Variants in RNF8 observed in about 807,000 individuals in gnomAD.
The protein encoded by RNF8 is ring finger protein 8.
In RNF8, 8 loss-of-function variants were observed where a neutral mutation model predicts 59.3. That is an observed-to-expected ratio of 0.13 (90% confidence interval 0.08 to 0.24). The LOEUF is 0.24. Among genes scored for constraint, RNF8 ranks in the 10% least tolerant of loss-of-function variants. The pLI is 1.00. For missense variants in RNF8, 406 were observed against 572.6 expected, an observed-to-expected ratio of 0.71 and a Z score of 2.97; for synonymous variants, 162 against 200.0, an observed-to-expected ratio of 0.81 and a Z score of 1.60.
intron 2 of RNF8, among the ~76,000 whole-genome samples, chr6:37,364,820 G>T (rs1256609227): frequency 1.3e-5 from 2 of 152,096 alleles, no homozygotes; most frequent in Non-Finnish European, 2.9e-5. Context: ...GCCCAGGCTG[G>T]AGTGCAATGG....
rs1308162510 is a variant in RNF8 at position 37,394,547 on chromosome 6, C to T, written c.*3789C>T. 1 of 152,172 alleles carries T rather than the reference C, an allele frequency of 6.6e-6. No individual in the cohort carries two copies. Among genetic ancestry groups the T allele is most frequent in the Non-Finnish European group, 1.5e-5 (1 of 68,044 alleles). 9.4% of individuals were successfully genotyped at this position (152,172 alleles called of 1,614,324 possible). On this transcript the variant is annotated 3_prime_UTR_variant, in exon 8 of 8. Transcript: ENST00000373479. ...GTACCAGTGATGGGCTACCTGAGCT[C>T]ATCTAGTCGCCAAGCAGTATCTCCT...
At chr6:37,388,846 T>TC (rs891051480) in intron 7 of RNF8, among the ~76,000 whole-genome samples, 2 of 150,920 alleles carry the variant, frequency 1.3e-5, no homozygotes, top group African/African-American at 4.9e-5. Flanking sequence ...GGCTGGAGCA[T>TC]CCCTTGAACC....
intron 2 of RNF8, chr6:37,361,184 TG>T: frequency 2.2e-6 from 1 of 452,246 alleles, no homozygotes; most frequent in Non-Finnish European, 4.4e-6. Context: ...GTACCTAATG[TG>T]CTGGGTGTGG....
chr6:37,355,041 T>C (rs1279549705), intron 1 of RNF8, among the ~76,000 whole-genome samples: 1 of 152,162 alleles, frequency 6.6e-6, no homozygotes, highest in East Asian at 1.9e-4. Context: ...TTCAGAGTTC[T>C]CTCCAGAGGC....
intron 6 of RNF8, among the ~76,000 whole-genome samples, chr6:37,377,577 T>G (rs895601330): frequency 2.0e-5 from 3 of 152,274 alleles, no homozygotes; most frequent in Admixed American, 2.0e-4. Flanking sequence ...TCATCTGTTC[T>G]TAAATGTTTA....
intron 2 of RNF8, chr6:37,361,457 T>C: frequency 2.4e-6 from 1 of 419,448 alleles, no homozygotes; most frequent in Non-Finnish European, 4.8e-6. Context: ...CACTCCAGTG[T>C]GGCTGACATA....
chr6:37,382,591 T>C (rs1237566995), intron 7 of RNF8, among the ~76,000 whole-genome samples: 1 of 151,598 alleles, frequency 6.6e-6, no homozygotes, highest in African/African-American at 2.4e-5. Flanking sequence ...GGTTGGGGGG[T>C]GGACCTAGGG....
At chr6:37,365,921 T>C (rs1413677075) in intron 2 of RNF8, among the ~76,000 whole-genome samples, 2 of 152,224 alleles carry the variant, frequency 1.3e-5, no homozygotes, top group Non-Finnish European at 1.5e-5. Context: ...GACTCAGGGC[T>C]TGGTTTAAAT....
At chr6:37,380,764 C>A (rs1262530352) in intron 6 of RNF8, among the ~76,000 whole-genome samples, 2 of 152,006 alleles carry the variant, frequency 1.3e-5, no homozygotes, top group Non-Finnish European at 2.9e-5. Flanking sequence ...CTCACTGCAA[C>A]CTCCATCTCC....
At position 37,390,952 on chromosome 6, in the gene RNF8, G is replaced by T; in HGVS notation, c.*194G>T. On this transcript the variant is annotated 3_prime_UTR_variant, in exon 8 of 8. Transcript: ENST00000373479. Reference sequence around the variant, plus strand: ...AGCCCTGCTGCCATCATTGGCTGAAGCACCACCAGGATTCACGGCACCCAA... The same window carrying T: ...AGCCCTGCTGCCATCATTGGCTGAATCACCACCAGGATTCACGGCACCCAA... The T allele has an allele frequency of 1.2e-6, 1 of 832,352 alleles. No individual in the cohort carries two copies. The highest frequency in any genetic ancestry group is 2.1e-5 in the Admixed American group (1 of 48,762). The allele number at this position is 832,352 out of a possible 1,614,324, so 51.6% of individuals were successfully genotyped here.
Position 37,360,328 on chromosome 6 carries a change from A to C in RNF8, c.112-118A>C, listed in dbSNP as rs1769265931. On this transcript the variant is annotated intron_variant, in intron 1 of 7. Coordinates refer to ENST00000373479, the MANE Select transcript of RNF8 (RefSeq NM_003958.4). The surrounding 1 kb of genome is among the most constrained non-coding windows in gnomAD (Gnocchi z 4.2). Reference sequence around the variant, plus strand: ...AGCTGATGCACTGTTTTGGTTCCACAGGTGTCTGGTTTCTTAAGTCAGGAC... The same window carrying C: ...AGCTGATGCACTGTTTTGGTTCCACCGGTGTCTGGTTTCTTAAGTCAGGAC... 2 of 1,202,692 alleles carry C rather than the reference A, an allele frequency of 1.7e-6. No homozygotes were observed. Among genetic ancestry groups the C allele is most frequent in the African/African-American group, 3.1e-5 (2 of 65,356 alleles). The allele number at this position is 1,202,692 out of a possible 1,614,324, so 74.5% of individuals were successfully genotyped here. A position where few individuals can be genotyped will look rare whatever the true frequency, so the allele number is the denominator to read the frequency against.
At chr6:37,376,796 T>A (rs1367532661) in intron 5 of RNF8, 130 bp from the exon 6 acceptor site, 2 of 646,022 alleles carry the variant, frequency 3.1e-6, no homozygotes, top group East Asian at 2.7e-5. Flanking sequence ...GTTCTATTCT[T>A]AATGTTGCTG....
intron 5 of RNF8, 144 bp downstream of exon 5, chr6:37,374,853 G>A: frequency 1.6e-6 from 1 of 618,682 alleles, no homozygotes; most frequent in Non-Finnish European, 2.8e-6. Context: ...AAATTATAGA[G>A]GCCTATAGCA....
At chr6:37,374,323 C>CAGA (rs1014477937) in intron 4 of RNF8, among the ~76,000 whole-genome samples, 3 of 152,088 alleles carry the variant, frequency 2.0e-5, no homozygotes, top group African/African-American at 7.2e-5. Context: ...CCTATAGAAG[C>CAGA]AGACTCTGGG....
chr6:37,365,357 G>GT, intron 2 of RNF8, among the ~76,000 whole-genome samples: 1 of 152,188 alleles, frequency 6.6e-6, no homozygotes, highest in Non-Finnish European at 1.5e-5. Flanking sequence ...AAGGGGCACT[G>GT]TTTCTTGATA....
At chr6:37,354,903 A>G (rs1400548438) in intron 1 of RNF8, among the ~76,000 whole-genome samples, 1 of 152,262 alleles carries the variant, frequency 6.6e-6, no homozygotes, top group Admixed American at 6.5e-5. Flanking sequence ...AAAGCAATCA[A>G]ACTTTCACGT....
At chr6:37,370,084 T>G (rs775653559) in intron 3 of RNF8, 4 of 152,198 alleles carry the variant, frequency 2.6e-5, no homozygotes, top group Non-Finnish European at 5.9e-5. Context: ...GAATTCCCCA[T>G]TGTTGACTTA....
intron 6 of RNF8, 56 bp downstream of exon 6, chr6:37,377,089 T>TG (rs1770052785): frequency 2.4e-6 from 2 of 830,782 alleles, no homozygotes; most frequent in Non-Finnish European, 3.7e-6. Context: ...TTTTTTTTTT[T>TG]GAGACAGAGT....
Position 37,368,851 on chromosome 6 carries a change from T to G in RNF8, c.608T>G (p.Leu203Trp), listed in dbSNP as rs748206654. Residue 203 changes from leucine to tryptophan, a missense_variant, in exon 3 of 8, where the codon TTG becomes TGG. Coordinates refer to ENST00000373479, the MANE Select transcript of RNF8 (RefSeq NM_003958.4). ...GTGGCCAGTACACCCTCTGACAATT[T>G]GGATCCTAAGTTGACTGCCCTTGAG... ...GEVASTPSDN[L>W]DPKLTALEPS... 3.7e-6 allele frequency: 6 copies of G among 1,614,076 alleles called. No homozygotes were observed. Among genetic ancestry groups the G allele is most frequent in the Non-Finnish European group, 4.2e-6 (5 of 1,179,980 alleles).
Sources: gnomAD v4.1 joint callset for allele counts (sites outside exome capture counted in the v4.1 genomes callset) on GRCh38, gnomAD v4.1.1 for gene constraint, Gnocchi (gnomAD v3.1) non-coding constraint, MANE v1.5 for transcripts, NCBI Gene and HGNC (gene_info 2026-07-23, HGNC 2026-07-21) for gene names.